WWOX: variants seen among roughly 807,000 people sequenced by gnomAD.
The protein encoded by WWOX is WW domain containing oxidoreductase.
WWOX carries 69 observed loss-of-function variants against 46.2 expected under a neutral mutation model. That is an observed-to-expected ratio of 1.49 (90% CI 1.23 to 1.82). The LOEUF is 1.82. Among genes scored for constraint, WWOX ranks in the 40% most tolerant of loss-of-function variants. The pLI, the probability that WWOX is intolerant of heterozygous loss-of-function variation, is 0.00. For missense variants in WWOX, 919 were observed against 542.6 expected, an observed-to-expected ratio of 1.69 and a Z score of -6.89; for synonymous variants, 359 against 202.6, an observed-to-expected ratio of 1.77 and a Z score of -6.56.
intron 8 of WWOX, among the ~76,000 whole-genome samples, chr16:78,651,646 C>T (rs1172966675): frequency 1.3e-5 from 2 of 152,198 alleles, no homozygotes. Context: ...GCTCATGTCC[C>T]CAGGCCATGA....
chr16:78,824,394 C>CTCAT (rs982348000), intron 8 of WWOX, among the ~76,000 whole-genome samples: 7 of 152,148 alleles, frequency 4.6e-5, no homozygotes, highest in South Asian at 2.1e-4. Flanking sequence ...CTCTGTTTTC[C>CTCAT]TCATTCATTC....
In WWOX at chr16:78,424,915, C is replaced by T. The variant is rs746893085; in HGVS notation, c.651C>T (p.Pro217=). 1 of 1,614,020 alleles carries T rather than the reference C, an allele frequency of 6.2e-7. No homozygotes were observed. Among genetic ancestry groups the T allele is most frequent in the African/African-American group, 1.3e-5 (1 of 74,910 alleles). ...LVCNAATFAL[P]WSLTKDGLET... is the part of the protein sequence containing the mutation. ...GCAACGCAGCAACTTTTGCTCTACC[C>T]TGGAGTCTCACCAAAGATGGCCTGG... Residue 217 remains proline (P), a synonymous_variant, in exon 7 of 9, where the codon CCC becomes CCT. Transcript: ENST00000566780.
At chr16:78,794,383 A>C (rs2050684831) in intron 8 of WWOX, among the ~76,000 whole-genome samples, 1 of 152,152 alleles carries the variant, frequency 6.6e-6, no homozygotes, top group Admixed American at 6.5e-5. Context: ...ATTTGTAACA[A>C]ACAAATAAAC....
intron 5 of WWOX, among the ~76,000 whole-genome samples, chr16:78,308,636 C>G (rs1194830375): frequency 6.6e-6 from 1 of 152,168 alleles, no homozygotes; most frequent in Non-Finnish European, 1.5e-5. Flanking sequence ...ACATCCTTCC[C>G]TTTCCAGGTC....
intron 8 of WWOX, among the ~76,000 whole-genome samples, chr16:78,966,795 T>G (rs1411546781): frequency 2.0e-5 from 3 of 152,202 alleles, no homozygotes. Flanking sequence ...ATGTGCCAAC[T>G]GTTCTACTTT....
chr16:79,134,750 C>G lies in WWOX; in HGVS notation c.1057-76858C>G, dbSNP rs74035000. Among the ~76,000 whole-genome samples, 1,308 of 152,292 alleles carry G rather than the reference C, an allele frequency of 8.6e-3. 14 individuals are homozygous for G. Among genetic ancestry groups the G allele is most frequent in the African/African-American group, 0.03 (1,246 of 41,544 alleles). ...ATGAAGTAACTCAGCTAAGTCTGTACAGTACTTAGCCAGGGGATTTAGAAA... is the reference window on the plus strand; with the variant it reads ...ATGAAGTAACTCAGCTAAGTCTGTAGAGTACTTAGCCAGGGGATTTAGAAA... On this transcript the variant is annotated intron_variant, in intron 8 of 8. Coordinates refer to ENST00000566780, the MANE Select transcript of WWOX (RefSeq NM_016373.4).
chr16:78,102,075 C>A (rs1351733461), intron 1 of WWOX, among the ~76,000 whole-genome samples: 1 of 152,126 alleles, frequency 6.6e-6, no homozygotes, highest in South Asian at 2.1e-4. Context: ...TGTGTGCCTC[C>A]ACACCCAGCT....
chr16:78,617,769 G>T (rs2046063829), intron 8 of WWOX, among the ~76,000 whole-genome samples: 1 of 152,094 alleles, frequency 6.6e-6, no homozygotes, highest in Non-Finnish European at 1.5e-5. Flanking sequence ...TCACGCATTG[G>T]CCCTATCCAC....
At chr16:78,607,766 T>A (rs2045797147) in intron 8 of WWOX, among the ~76,000 whole-genome samples, 1 of 152,072 alleles carries the variant, frequency 6.6e-6, no homozygotes, top group South Asian at 2.1e-4. Flanking sequence ...TCAGGGTGTT[T>A]CATTGCATTT....
rs151313890 is a variant in WWOX, at chr16:78,858,081, A to G, written c.1057-353527A>G. On this transcript the variant is annotated intron_variant, in intron 8 of 8. Coordinates refer to ENST00000566780, the MANE Select transcript of WWOX (RefSeq NM_016373.4). ...GTTTTTCCAAAGTTTTAAATACTCTATAGCAAAAAAAGGAAAAATGAAAGA... is the reference window on the plus strand; with the variant it reads ...GTTTTTCCAAAGTTTTAAATACTCTGTAGCAAAAAAAGGAAAAATGAAAGA... Among the ~76,000 whole-genome samples the G allele has an allele frequency of 4.6e-5, 7 of 152,270 alleles. No homozygotes were observed. The East Asian group carries it at 7.7e-4, about 17-fold the overall frequency.
At chr16:78,986,087 C>A (rs938646747) in intron 8 of WWOX, among the ~76,000 whole-genome samples, 1 of 152,176 alleles carries the variant, frequency 6.6e-6, no homozygotes, top group Non-Finnish European at 1.5e-5. Context: ...GTGGGAATGT[C>A]AAGATGAACC....
chr16:79,211,034 A>AGTGTGTGGTGTGTGTGT (rs2051721305), intron 8 of WWOX, among the ~76,000 whole-genome samples: 1 of 149,602 alleles, frequency 6.7e-6, no homozygotes, highest in Non-Finnish European at 1.5e-5. Context: ...TATGGTGAGG[A>AGTGTGTGGTGTGTGTGT]GTGTGTGTGT....
chr16:78,390,680 G>C (rs1032738683), intron 6 of WWOX, among the ~76,000 whole-genome samples: 6 of 152,164 alleles, frequency 3.9e-5, no homozygotes, highest in African/African-American at 1.4e-4. Context: ...TTTCGATTCT[G>C]ACAACTGTCA....
At position 78,483,618 on chromosome 16, in the gene WWOX, T is replaced by C. The variant is rs901187933; in HGVS notation, c.1056+50866T>C. On this transcript the variant is annotated intron_variant, in intron 8 of 8. Coordinates refer to ENST00000566780, the MANE Select transcript of WWOX (RefSeq NM_016373.4). Reference sequence around the variant, plus strand: ...TTAACCTTTGACCCCCTTCACATACTTATACTGTGGGCTGCATCGCTTACC... The same window carrying C: ...TTAACCTTTGACCCCCTTCACATACCTATACTGTGGGCTGCATCGCTTACC... Among the ~76,000 whole-genome samples, 4 of 152,114 alleles carry C rather than the reference T, an allele frequency of 2.6e-5. No homozygotes were observed. In the East Asian group the frequency reaches 7.7e-4, roughly 29 times the overall value.
intron 8 of WWOX, among the ~76,000 whole-genome samples, chr16:78,737,594 C>G (rs1029894719): frequency 6.6e-5 from 10 of 152,158 alleles, no homozygotes; most frequent in Admixed American, 2.0e-4. Context: ...TACTCCCACC[C>G]TTCTCCCTGA....
chr16:78,293,752 C>G (rs558927578), intron 5 of WWOX, among the ~76,000 whole-genome samples: 1 of 152,006 alleles, frequency 6.6e-6, no homozygotes, highest in Non-Finnish European at 1.5e-5. Flanking sequence ...CCGAGGCTGG[C>G]AGATCACGAG....
At chr16:78,736,749 G>C (rs895272540) in intron 8 of WWOX, among the ~76,000 whole-genome samples, 1 of 152,028 alleles carries the variant, frequency 6.6e-6, no homozygotes, top group African/African-American at 2.4e-5. Context: ...ACAGGCGCAT[G>C]CCTCCACATC....
chr16:78,730,455 TTTTG>T (rs1011366029), intron 8 of WWOX, among the ~76,000 whole-genome samples: 187 of 152,002 alleles, frequency 1.2e-3, no homozygotes, highest in African/African-American at 4.1e-3. Context: ...GAAATACATC[TTTTG>T]TTTGTTTGTT....
At chr16:78,745,045 C>T (rs1210101994) in intron 8 of WWOX, among the ~76,000 whole-genome samples, 1 of 152,142 alleles carries the variant, frequency 6.6e-6, no homozygotes, top group Non-Finnish European at 1.5e-5. Flanking sequence ...CCAGTGACGC[C>T]TGCCACTGCA....
Sources: gnomAD v4.1 joint callset for allele counts (sites outside exome capture counted in the v4.1 genomes callset) on GRCh38, gnomAD v4.1.1 for gene constraint, MANE v1.5 for transcripts, NCBI Gene and HGNC (gene_info 2026-07-23, HGNC 2026-07-21) for gene names.